Variants in COL19A1 observed in about 807,000 individuals in gnomAD.
COL19A1 encodes collagen type XIX alpha 1 chain, also known as collagen alpha-1(XIX) chain.
In COL19A1, 159 loss-of-function variants were observed where a neutral mutation model predicts 190.2. That is an observed-to-expected ratio of 0.84 (90% CI 0.73 to 0.95). The LOEUF is 0.95. COL19A1 is among the 40% of genes least tolerant of loss of function. COL19A1 has a pLI of 0.00. For missense variants in COL19A1, 1,418 were observed against 1,431.9 expected, an observed-to-expected ratio of 0.99 and a Z score of 0.16; for synonymous variants, 509 against 458.9, an observed-to-expected ratio of 1.11 and a Z score of -1.39.
intron 9 of COL19A1, among the ~76,000 whole-genome samples, chr6:69,942,876 C>A (rs1327029530): frequency 6.6e-6 from 1 of 151,986 alleles, no homozygotes; most frequent in Admixed American, 6.6e-5. Context: ...TTTCAGTTAT[C>A]TTTTCACCAT....
At chr6:70,099,228 C>A (rs1333866732) in intron 15 of COL19A1, among the ~76,000 whole-genome samples, 1 of 151,922 alleles carries the variant, frequency 6.6e-6, no homozygotes, top group Non-Finnish European at 1.5e-5. Context: ...AAGAGTTTTT[C>A]CTAAGGTGAA....
intron 15 of COL19A1, among the ~76,000 whole-genome samples, chr6:70,082,636 C>T (rs1485410039): frequency 1.3e-5 from 2 of 152,196 alleles, no homozygotes; most frequent in Non-Finnish European, 2.9e-5. Context: ...GTCTCGAACT[C>T]CTGACCTCAG....
chr6:70,105,443 A>G (rs1270305410), intron 16 of COL19A1, among the ~76,000 whole-genome samples: 1 of 152,186 alleles, frequency 6.6e-6, no homozygotes, highest in Non-Finnish European at 1.5e-5. Flanking sequence ...GGTGTGAGCC[A>G]CCGTGCCTGG....
intron 11 of COL19A1, among the ~76,000 whole-genome samples, chr6:70,003,796 C>T (rs760773778): frequency 5.9e-5 from 9 of 152,154 alleles, no homozygotes; most frequent in Non-Finnish European, 1.2e-4. Flanking sequence ...CTCCTGAATA[C>T]AGCACAGCAA....
At chr6:69,879,495 A>G in intron 1 of COL19A1, 41 bp from the exon 2 acceptor site, 1 of 1,182,992 alleles carries the variant, frequency 8.5e-7, no homozygotes, top group Non-Finnish European at 1.2e-6. Context: ...AAGGAGCTGC[A>G]TACAATAAAC....
chr6:70,099,350 A>T (rs1783485204), intron 15 of COL19A1, among the ~76,000 whole-genome samples: 1 of 152,182 alleles, frequency 6.6e-6, no homozygotes, highest in African/African-American at 2.4e-5. Flanking sequence ...GGAAAATTCT[A>T]CACCTGACCT....
In COL19A1 at chr6:70,166,824, A is replaced by G. The variant is rs564742688; in HGVS notation, c.2445+839A>G. 3.3e-5 allele frequency among the ~76,000 whole-genome samples: 5 copies of G among 151,564 alleles called. 1 individual carries two copies. In the South Asian group the frequency reaches 6.2e-4, roughly 19 times the overall value. On this transcript the variant is annotated intron_variant, in intron 37 of 50. Coordinates refer to ENST00000620364, the MANE Select transcript of COL19A1 (RefSeq NM_001858.6). ...TGTGTTACTGACCTTTTCCCTTGAC[A>G]AGAAAGCAGGACGGAAAGTATTAGG...
intron 4 of COL19A1, among the ~76,000 whole-genome samples, chr6:69,908,664 C>T (rs1185035179): frequency 6.6e-6 from 1 of 151,872 alleles, no homozygotes; most frequent in Non-Finnish European, 1.5e-5. Flanking sequence ...ATTATTAGTT[C>T]AGTATTGTTA....
chr6:69,929,439 T>C lies in COL19A1; in HGVS notation c.405T>C (p.Val135=). ...CATTTTTGCAGATTTCTATAGTAGT[T>C]GATGGTGGAAAGAAGGTGGTGGAAT... The part of the protein sequence containing the change: ...QQNIPQISIV[V]DGGKKVVEFM... Residue 135 remains valine (V), a synonymous_variant, in exon 6 of 51, where the codon GTT becomes GTC. Transcript: ENST00000620364. 6.2e-7 allele frequency: 1 copy of C among 1,613,838 alleles called. No individual in the cohort carries two copies. Among genetic ancestry groups the C allele is most frequent in the Non-Finnish European group, 8.5e-7 (1 of 1,179,848 alleles).
intron 11 of COL19A1, 75 bp downstream of exon 11, chr6:69,962,945 C>T: frequency 8.0e-7 from 1 of 1,243,026 alleles, no homozygotes; most frequent in Non-Finnish European, 1.1e-6. Context: ...AAATATTTAA[C>T]TTGTTTTGTG....
intron 12 of COL19A1, among the ~76,000 whole-genome samples, chr6:70,031,686 C>A (rs1019582002): frequency 2.0e-5 from 3 of 152,124 alleles, no homozygotes; most frequent in South Asian, 2.1e-4. Flanking sequence ...ATATATAACA[C>A]CTTTTCTTTA....
chr6:69,917,478 G>C (rs1252408566), intron 4 of COL19A1, among the ~76,000 whole-genome samples: 1 of 152,168 alleles, frequency 6.6e-6, no homozygotes, highest in African/African-American at 2.4e-5. Flanking sequence ...CAAGGTACTA[G>C]TCTAGATGCT....
At chr6:70,108,909 G>T (rs1226829317) in intron 16 of COL19A1, among the ~76,000 whole-genome samples, 1 of 152,032 alleles carries the variant, frequency 6.6e-6, no homozygotes. Context: ...TTATACATCA[G>T]TTTGCACAAT....
At chr6:69,919,621 T>C (rs934740817) in intron 4 of COL19A1, among the ~76,000 whole-genome samples, 4 of 152,158 alleles carry the variant, frequency 2.6e-5, no homozygotes, top group Admixed American at 6.5e-5. Context: ...GAAGTTAATA[T>C]GGAATTTGGA....
intron 9 of COL19A1, among the ~76,000 whole-genome samples, chr6:69,941,953 G>A (rs1259384192): frequency 3.3e-5 from 5 of 152,132 alleles, no homozygotes; most frequent in African/African-American, 9.7e-5. Context: ...GCCTCCCAAA[G>A]GGCTAGGATT....
In COL19A1 at chr6:70,207,732, T is replaced by A. The variant is rs1257368105; in HGVS notation, c.*458T>A. The A allele has an allele frequency of 6.6e-6, 1 of 152,446 alleles. No homozygotes were observed. The highest frequency in any genetic ancestry group is 1.5e-5 in the Non-Finnish European group (1 of 68,242). 9.4% of individuals were successfully genotyped at this position (152,446 alleles called of 1,614,324 possible). Reference sequence around the variant, plus strand: ...CTAAACATCTCGTCAACTTTTTTGATATAGTGCATTGCTCCTGTTGAATGT... The same window carrying A: ...CTAAACATCTCGTCAACTTTTTTGAAATAGTGCATTGCTCCTGTTGAATGT... On this transcript the variant is annotated 3_prime_UTR_variant, in exon 51 of 51. Coordinates refer to ENST00000620364, the MANE Select transcript of COL19A1 (RefSeq NM_001858.6).
chr6:70,106,066 T>C (rs1437457878), intron 16 of COL19A1, among the ~76,000 whole-genome samples: 1 of 152,130 alleles, frequency 6.6e-6, no homozygotes, highest in African/African-American at 2.4e-5. Flanking sequence ...TGTTCTTCCC[T>C]TTGGGGGTTT....
chr6:70,079,215 A>T (rs1782087158), intron 15 of COL19A1, among the ~76,000 whole-genome samples: 1 of 152,242 alleles, frequency 6.6e-6, no homozygotes. Context: ...GTGATTGCTG[A>T]CGTATCAAGT....
At chr6:70,087,271 T>A (rs1257456534) in intron 15 of COL19A1, among the ~76,000 whole-genome samples, 1 of 152,172 alleles carries the variant, frequency 6.6e-6, no homozygotes. Flanking sequence ...TGGTGATACA[T>A]GCAACCAAGA....
Sources: allele counts gnomAD v4.1 joint callset (sites outside exome capture counted in the v4.1 genomes callset), GRCh38; gene constraint gnomAD v4.1.1; transcripts MANE v1.5; gene names NCBI Gene and HGNC (gene_info 2026-07-23, HGNC 2026-07-21).